Variants in ZNF236 observed in about 807,000 individuals in gnomAD.
ZNF236 encodes the protein zinc finger protein 236, also known as regulated by glucose.
In ZNF236, 50 loss-of-function variants were observed where a neutral mutation model predicts 191.2. The observed-to-expected ratio is 0.26, with a 90% CI of 0.21 to 0.33. The LOEUF is 0.33. Ranked by LOEUF, ZNF236 falls within the 10% of genes least tolerant of loss-of-function variation. ZNF236 has a pLI of 1.00. For missense variants in ZNF236, 1,754 were observed against 2,374.5 expected (o/e 0.74, Z 5.43); for synonymous variants, 907 against 928.8 (o/e 0.98, Z 0.43).
intron 13 of ZNF236, among the ~76,000 whole-genome samples, chr18:76,905,899 T>C (rs1977727399): frequency 6.6e-6 from 1 of 152,236 alleles, no homozygotes; most frequent in African/African-American, 2.4e-5. Context: ...TTCACATGAT[T>C]GGAAGGCTAG....
chr18:76,829,307 G>C (rs974165326), intron 1 of ZNF236, among the ~76,000 whole-genome samples: 1 of 148,280 alleles, frequency 6.7e-6, no homozygotes, highest in Non-Finnish European at 1.5e-5. Context: ...GGCAACTCAC[G>C]CATTATGGAA....
chr18:76,947,286 G>A (rs1466856323), intron 26 of ZNF236, among the ~76,000 whole-genome samples: 1 of 152,118 alleles, frequency 6.6e-6, no homozygotes, highest in Non-Finnish European at 1.5e-5. Context: ...ATCGGTTGAT[G>A]GGCATTTGGG....
intron 1 of ZNF236, among the ~76,000 whole-genome samples, chr18:76,843,379 A>C (rs751676616): frequency 2.4e-4 from 36 of 152,364 alleles, no homozygotes; most frequent in Non-Finnish European, 3.8e-4. Context: ...CAGGATCCAG[A>C]CACTTCAGAG....
chr18:76,948,602 A>C (rs916658065), intron 27 of ZNF236, among the ~76,000 whole-genome samples: 14 of 152,244 alleles, frequency 9.2e-5, no homozygotes, highest in Non-Finnish European at 1.5e-5. Context: ...GGTGGAGTCC[A>C]GAGAACCCAG....
chr18:76,922,560 CT>C (rs112571512), intron 20 of ZNF236, among the ~76,000 whole-genome samples: 37,228 of 143,072 alleles, frequency 0.26, 4,667 homozygotes, highest in Middle Eastern at 0.32. Context: ...AGGAAATTGT[CT>C]TTTTTTTTTT....
rs758166965 is a variant in ZNF236, at chr18:76,960,761, G to A, written c.5325G>A (p.Thr1775=). Residue 1775 remains threonine (T), a synonymous_variant, in exon 30 of 31, where the codon ACG becomes ACA. Transcript: ENST00000320610. The surrounding 1 kb of genome is among the most constrained non-coding windows in gnomAD (Gnocchi z 4.4). ...TGCAGGTGCACATGAAGAAGCACAC[G>A]GGGGAGCGGCCCTACAAGTGTGCCT... ...SALQVHMKKH[T]GERPYKCAYC... 8.7e-5 allele frequency: 140 copies of A among 1,613,944 alleles called. No individual in the cohort carries two copies. In the East Asian group the frequency reaches 2.4e-3, roughly 28 times the overall value.
At chr18:76,854,337 TTA>T (rs1218358842) in intron 3 of ZNF236, among the ~76,000 whole-genome samples, 2 of 152,202 alleles carry the variant, frequency 1.3e-5, no homozygotes, top group Non-Finnish European at 2.9e-5. Context: ...AAAAATAGGA[TTA>T]TGTCATTATA....
chr18:76,861,888 G>A (rs549549796), intron 3 of ZNF236, among the ~76,000 whole-genome samples: 23 of 152,172 alleles, frequency 1.5e-4, no homozygotes, highest in Non-Finnish European at 3.1e-4. Flanking sequence ...TTTTGAGACA[G>A]AGTTTCGCTC....
intron 17 of ZNF236, 68 bp downstream of exon 17, chr18:76,912,415 C>A: frequency 1.7e-6 from 2 of 1,177,972 alleles, no homozygotes; most frequent in Non-Finnish European, 2.5e-6. Flanking sequence ...TGTGTGTTTG[C>A]CCCGCTCCAA....
At chr18:76,912,387 C>T (rs777731083) in intron 17 of ZNF236, 40 bp downstream of exon 17, 1 of 1,485,870 alleles carries the variant, frequency 6.7e-7, no homozygotes, top group South Asian at 1.2e-5. Context: ...ATTGCCGGCT[C>T]CCAGGAACGG....
In ZNF236 at chr18:76,960,354, C is replaced by T. The variant is rs1968634692; in HGVS notation, c.5243-325C>T. On this transcript the variant is annotated intron_variant, in intron 29 of 30. Transcript: ENST00000320610. The surrounding 1 kb of genome is among the most constrained non-coding windows in gnomAD (Gnocchi z 4.4). ...TGTCAGCCCTTCCGTCTCCGCCCTG[C>T]CCTAACAGGACATCATCCCGGGCTC... Among the ~76,000 whole-genome samples, 1 of 152,200 alleles carries T rather than the reference C, an allele frequency of 6.6e-6. No homozygotes were observed. The highest frequency in any genetic ancestry group is 1.5e-5 in the Non-Finnish European group (1 of 68,044).
At chr18:76,933,150 A>T (rs1003350958) in intron 25 of ZNF236, among the ~76,000 whole-genome samples, 1 of 152,144 alleles carries the variant, frequency 6.6e-6, no homozygotes, top group African/African-American at 2.4e-5. Flanking sequence ...TTTTTAAATT[A>T]TTATTCTTTT....
chr18:76,931,679 T>G (rs1967852623), intron 25 of ZNF236, among the ~76,000 whole-genome samples: 1 of 152,202 alleles, frequency 6.6e-6, no homozygotes, highest in East Asian at 1.9e-4. Context: ...AAGCATAGAA[T>G]TTTATGAAAA....
At chr18:76,869,519 A>G (rs1338085280) in intron 4 of ZNF236, among the ~76,000 whole-genome samples, 2 of 152,220 alleles carry the variant, frequency 1.3e-5, no homozygotes, top group African/African-American at 2.4e-5. Context: ...TATTTTGCCT[A>G]ATTCCTGATA....
chr18:76,920,146 G>T, intron 20 of ZNF236, 88 bp downstream of exon 20: 1 of 1,458,422 alleles, frequency 6.9e-7, no homozygotes, highest in Non-Finnish European at 9.2e-7. Context: ...CTGCAGCAGG[G>T]CCATTAGTTT....
At chr18:76,890,188 A>G (rs1977186623) in intron 9 of ZNF236, among the ~76,000 whole-genome samples, 1 of 152,102 alleles carries the variant, frequency 6.6e-6, no homozygotes. Context: ...ATTCCCCCAA[A>G]TGTTAACATT....
In ZNF236 at chr18:76,873,255, G is replaced by GT. The variant is rs147371618; in HGVS notation, c.667+1433dup. On this transcript the variant is annotated intron_variant, in intron 5 of 30. Transcript: ENST00000320610. ...TCTCAGTTGTCATTTACCTTTAACA[G>GT]TTTGATATCTACCCCATTAGATGTT... 5.4e-3 allele frequency among the ~76,000 whole-genome samples: 822 copies of GT among 152,294 alleles called. 3 individuals are homozygous for GT. The highest frequency in any genetic ancestry group is 8.4e-3 in the Admixed American group (128 of 15,292).
intron 6 of ZNF236, among the ~76,000 whole-genome samples, chr18:76,876,998 T>C (rs1976735636): frequency 6.6e-6 from 1 of 152,202 alleles, no homozygotes; most frequent in Admixed American, 6.5e-5. Context: ...TGTAAGAATC[T>C]AAATTTGGTT....
rs1016058357 is a variant in ZNF236, at chr18:76,875,231, G to A, written c.668-261G>A. ...AGGTTTTTTGCCTGATCCCCTGGAA[G>A]GATGGCATTGCCTGATCCCCTGGAA... On this transcript the variant is annotated intron_variant, in intron 5 of 30. Transcript: ENST00000320610. The surrounding 1 kb of genome is among the most constrained non-coding windows in gnomAD (Gnocchi z 4.3). 6.6e-6 allele frequency among the ~76,000 whole-genome samples: 1 copy of A among 151,144 alleles called. No homozygotes were observed. The highest frequency in any genetic ancestry group is 2.4e-5 in the African/African-American group (1 of 41,376).
Sources: allele counts gnomAD v4.1 joint callset (sites outside exome capture counted in the v4.1 genomes callset), GRCh38; gene constraint gnomAD v4.1.1; non-coding constraint Gnocchi (gnomAD v3.1); transcripts MANE v1.5; gene names NCBI Gene and HGNC (gene_info 2026-07-23, HGNC 2026-07-21).